The following LRP1B variants were observed in gnomAD, a reference collection of about 807,000 sequenced individuals.
LRP1B encodes the protein LDL receptor related protein 1B.
In LRP1B, 217 loss-of-function variants were observed where a neutral mutation model predicts 556.6. The ratio of observed to expected loss-of-function variants is 0.39; its 90% confidence interval spans 0.35 to 0.44. The LOEUF (loss-of-function observed/expected upper bound fraction) is 0.44. LRP1B is among the 20% of genes least tolerant of loss of function. LRP1B has a pLI of 1.00. For missense variants in LRP1B, 5,053 were observed against 5,620.8 expected (o/e 0.90, Z 3.23); for synonymous variants, 2,047 against 1,865.8 (o/e 1.10, Z -2.50).
chr2:141,495,136 C>A (rs1683468650), intron 2 of LRP1B, among the ~76,000 whole-genome samples: 1 of 152,006 alleles, frequency 6.6e-6, no homozygotes, highest in Non-Finnish European at 1.5e-5. Flanking sequence ...TCATATCAAG[C>A]AAATACACTA....
At chr2:141,762,330 A>G (rs2105596763) in intron 2 of LRP1B, among the ~76,000 whole-genome samples, 1 of 152,164 alleles carries the variant, frequency 6.6e-6, no homozygotes, top group Admixed American at 6.5e-5. Context: ...AGATGAGGGA[A>G]AAGAAGAAAG....
chr2:140,377,958 T>C (rs113758177), intron 68 of LRP1B, among the ~76,000 whole-genome samples: 1 of 152,144 alleles, frequency 6.6e-6, no homozygotes, highest in African/African-American at 2.4e-5. Flanking sequence ...TATTCACCAG[T>C]TGAGGTAAAA....
intron 6 of LRP1B, among the ~76,000 whole-genome samples, chr2:141,204,233 A>G (rs761158082): frequency 2.0e-5 from 3 of 152,208 alleles, no homozygotes; most frequent in South Asian, 2.1e-4. Context: ...ATAAAAATCA[A>G]TAAGTGCCTT....
intron 2 of LRP1B, among the ~76,000 whole-genome samples, chr2:141,662,035 T>G (rs1021679857): frequency 6.6e-6 from 1 of 152,168 alleles, no homozygotes; most frequent in African/African-American, 2.4e-5. Flanking sequence ...TTAGACATTC[T>G]TAAAGAAAGG....
intron 11 of LRP1B, among the ~76,000 whole-genome samples, chr2:141,035,238 G>C (rs543539290): frequency 3.4e-4 from 52 of 152,060 alleles, no homozygotes; most frequent in Non-Finnish European, 8.8e-5. Context: ...ATAGCATTAG[G>C]AGATATAACT....
intron 72 of LRP1B, among the ~76,000 whole-genome samples, chr2:140,359,345 G>A (rs1682398787): frequency 6.6e-6 from 1 of 151,614 alleles, no homozygotes; most frequent in African/African-American, 2.4e-5. Flanking sequence ...GCCCAAAATT[G>A]AAAATAGGTC....
chr2:141,323,650 CAA>C (rs1687323187), intron 3 of LRP1B, among the ~76,000 whole-genome samples: 1 of 151,978 alleles, frequency 6.6e-6, no homozygotes, highest in Non-Finnish European at 1.5e-5. Context: ...TATGTAGACT[CAA>C]GAGGTTTTTC....
At chr2:141,599,064 C>A (rs919416095) in intron 2 of LRP1B, among the ~76,000 whole-genome samples, 2 of 85,794 alleles carry the variant, frequency 2.3e-5, no homozygotes, top group South Asian at 6.2e-4. Flanking sequence ...CCCCCCCCCC[C>A]CCCCCCCCCC....
intron 7 of LRP1B, among the ~76,000 whole-genome samples, chr2:141,112,809 T>A (rs1700788181): frequency 6.6e-6 from 1 of 152,192 alleles, no homozygotes; most frequent in Non-Finnish European, 1.5e-5. Flanking sequence ...CAACTGTATT[T>A]GAAAAAGGCA....
chr2:142,086,640 C>CAAACAAAAAA (rs1366239561), intron 1 of LRP1B, among the ~76,000 whole-genome samples: 2 of 147,662 alleles, frequency 1.4e-5, no homozygotes, highest in African/African-American at 5.1e-5. Context: ...AACAAACAAA[C>CAAACAAAAAA]AAAAAAAAAA....
intron 72 of LRP1B, among the ~76,000 whole-genome samples, chr2:140,360,838 G>C (rs948696824): frequency 3.3e-5 from 5 of 151,500 alleles, no homozygotes; most frequent in African/African-American, 1.2e-4. Flanking sequence ...TCTGTTGCTT[G>C]CTGTTAAGAA....
At chr2:141,833,764 G>A (rs1003425843) in intron 1 of LRP1B, among the ~76,000 whole-genome samples, 1 of 151,752 alleles carries the variant, frequency 6.6e-6, no homozygotes, top group Non-Finnish European at 1.5e-5. Flanking sequence ...TAAATTGATG[G>A]TTGTTTTATT....
At chr2:141,893,425 C>A (rs1257976220) in intron 1 of LRP1B, among the ~76,000 whole-genome samples, 1 of 152,036 alleles carries the variant, frequency 6.6e-6, no homozygotes, top group African/African-American at 2.4e-5. Flanking sequence ...GGTCTTGAAC[C>A]CCTGACCTTA....
intron 3 of LRP1B, among the ~76,000 whole-genome samples, chr2:141,471,287 T>TTTTTTTTTTCTC (rs1682463035): frequency 1.5e-5 from 1 of 68,072 alleles, no homozygotes. Flanking sequence ...TTTTTTTTTT[T>TTTTTTTTTTCTC]TTTTTTTACT....
At chr2:141,277,157 T>C (rs1245038181) in intron 3 of LRP1B, among the ~76,000 whole-genome samples, 1 of 151,936 alleles carries the variant, frequency 6.6e-6, no homozygotes, top group African/African-American at 2.4e-5. Context: ...GTATATTTAA[T>C]AATGGGATTC....
intron 3 of LRP1B, among the ~76,000 whole-genome samples, chr2:141,443,624 T>C (rs1344135482): frequency 6.6e-6 from 1 of 152,172 alleles, no homozygotes; most frequent in Non-Finnish European, 1.5e-5. Context: ...AAGGAAGGGG[T>C]ACAATTTCAG....
chr2:140,535,285 A>C (rs2104998366), intron 46 of LRP1B, among the ~76,000 whole-genome samples: 1 of 152,276 alleles, frequency 6.6e-6, no homozygotes, highest in South Asian at 2.1e-4. Context: ...TAGTAAATGC[A>C]AGCCTGTGAC....
chr2:141,065,176 G>T (rs962631638), intron 7 of LRP1B, among the ~76,000 whole-genome samples: 4 of 151,906 alleles, frequency 2.6e-5, no homozygotes, highest in African/African-American at 7.2e-5. Flanking sequence ...TTCACCAGTT[G>T]TTTACATTTC....
At chr2:141,271,388 AC>A (rs1685083419) in intron 3 of LRP1B, among the ~76,000 whole-genome samples, 1 of 151,862 alleles carries the variant, frequency 6.6e-6, no homozygotes, top group African/African-American at 2.4e-5. Context: ...AATCAACACA[AC>A]CAAGAATCAA....
Sources: allele counts gnomAD v4.1 joint callset (sites outside exome capture counted in the v4.1 genomes callset), GRCh38; gene constraint gnomAD v4.1.1; transcripts MANE v1.5; gene names NCBI Gene and HGNC (gene_info 2026-07-23, HGNC 2026-07-21).